CDH2: variants seen among roughly 807,000 people sequenced by gnomAD.
CDH2 encodes the protein cadherin 2.
A neutral mutation model predicts 92.0 loss-of-function variants in CDH2; 17 were observed. That is an observed-to-expected ratio of 0.18 (90% CI 0.13 to 0.28). CDH2 has a LOEUF of 0.28. Ranked by LOEUF, CDH2 falls within the 10% of genes least tolerant of loss-of-function variation. CDH2 has a pLI of 1.00. For missense variants in CDH2, 862 were observed against 1,133.1 expected, an observed-to-expected ratio of 0.76 and a Z score of 3.44; for synonymous variants, 419 against 415.9, an observed-to-expected ratio of 1.01 and a Z score of -0.09.
At chr18:28,163,664 T>C (rs2016338287) in intron 1 of CDH2, among the ~76,000 whole-genome samples, 1 of 152,228 alleles carries the variant, frequency 6.6e-6, no homozygotes, top group Non-Finnish European at 1.5e-5. Flanking sequence ...TAGCATGCAA[T>C]GCTCTACAGC....
chr18:28,100,235 T>G (rs1342937955), intron 2 of CDH2, among the ~76,000 whole-genome samples: 2 of 152,192 alleles, frequency 1.3e-5, no homozygotes, highest in Non-Finnish European at 2.9e-5. Context: ...CAGATTGCTC[T>G]CTTTAATGTG....
rs533783622 is a variant in CDH2 at position 28,077,727 on chromosome 18, C to A, written c.173-63818G>T. On this transcript the variant is annotated intron_variant, in intron 2 of 15. Coordinates refer to ENST00000269141, the MANE Select transcript of CDH2 (RefSeq NM_001792.5). ...CCAACATGGTGAAACCCCGTCTCTG[C>A]CAAAAATACAAAAATTAGGCGGGTG... Among the ~76,000 whole-genome samples the A allele has an allele frequency of 6.6e-5, 10 of 151,676 alleles. No individual in the cohort carries two copies. In the East Asian group the frequency reaches 2.0e-3, roughly 30 times the overall value.
At chr18:28,089,603 G>A (rs2015000033) in intron 2 of CDH2, among the ~76,000 whole-genome samples, 1 of 152,112 alleles carries the variant, frequency 6.6e-6, no homozygotes, top group Non-Finnish European at 1.5e-5. Context: ...GTAATTTAAA[G>A]CAATTTCAAT....
intron 2 of CDH2, among the ~76,000 whole-genome samples, chr18:28,030,415 A>T (rs933015675): frequency 6.6e-6 from 1 of 152,126 alleles, no homozygotes; most frequent in African/African-American, 2.4e-5. Flanking sequence ...AGAGCATGGC[A>T]TGGCACAATA....
At chr18:27,954,850 C>A (rs755687953) in intron 15 of CDH2, among the ~76,000 whole-genome samples, 1 of 152,100 alleles carries the variant, frequency 6.6e-6, no homozygotes, top group Non-Finnish European at 1.5e-5. Flanking sequence ...TGGCTGCCCT[C>A]GTGGAGTTAA....
At chr18:28,070,877 C>T (rs1148375) in intron 2 of CDH2, among the ~76,000 whole-genome samples, 53,401 of 152,002 alleles carry the variant, frequency 0.35, 10,068 homozygotes, top group Non-Finnish European at 0.44. Context: ...AATTACAATT[C>T]GATTTTACTT....
intron 11 of CDH2, 61 bp from the exon 12 acceptor site, chr18:27,985,822 T>G: frequency 1.0e-6 from 1 of 983,092 alleles, no homozygotes; most frequent in South Asian, 1.5e-5. Context: ...GCCTCAATTA[T>G]GGTGAAATTC....
At chr18:28,077,274 C>T (rs995154712) in intron 2 of CDH2, among the ~76,000 whole-genome samples, 9 of 152,092 alleles carry the variant, frequency 5.9e-5, no homozygotes, top group Non-Finnish European at 1.0e-4. Flanking sequence ...AAGCAGAAAT[C>T]ATAATCTTTG....
At chr18:28,091,994 T>A (rs1599094317) in intron 2 of CDH2, among the ~76,000 whole-genome samples, 1 of 151,824 alleles carries the variant, frequency 6.6e-6, no homozygotes, top group South Asian at 2.1e-4. Flanking sequence ...CCCTGTCTCT[T>A]TACGTGGTCT....
chr18:28,128,147 C>CT (rs2015707578), intron 2 of CDH2, among the ~76,000 whole-genome samples: 1 of 152,050 alleles, frequency 6.6e-6, no homozygotes, highest in African/African-American at 2.4e-5. Flanking sequence ...CATGATCACA[C>CT]TTTTTAAAAG....
chr18:28,021,215 C>A (rs1346375991), intron 2 of CDH2, among the ~76,000 whole-genome samples: 1 of 151,950 alleles, frequency 6.6e-6, no homozygotes, highest in African/African-American at 2.4e-5. Context: ...GCTATTTTAA[C>A]AGACACATAT....
chr18:28,128,422 C>T (rs1008379969), intron 2 of CDH2, among the ~76,000 whole-genome samples: 4 of 152,118 alleles, frequency 2.6e-5, no homozygotes, highest in Admixed American at 6.6e-5. Flanking sequence ...TGACAGGGCA[C>T]GGTGACTCAC....
At chr18:27,949,567 C>T (rs1909358608), downstream of CDH2, among the ~76,000 whole-genome samples, 1 of 151,732 alleles carries the variant, frequency 6.6e-6, no homozygotes, top group African/African-American at 2.4e-5. Context: ...TACCAAGATA[C>T]ACTCAGTGAA....
chr18:27,994,407 T>C (rs1306275450), intron 7 of CDH2, among the ~76,000 whole-genome samples: 1 of 152,212 alleles, frequency 6.6e-6, no homozygotes, highest in Non-Finnish European at 1.5e-5. Flanking sequence ...TCCACTACTT[T>C]CAAATTCCAG....
intron 14 of CDH2, among the ~76,000 whole-genome samples, chr18:27,964,922 T>C (rs1485266484): frequency 6.6e-6 from 1 of 152,096 alleles, no homozygotes; most frequent in African/African-American, 2.4e-5. Flanking sequence ...GAGCTTGAGC[T>C]TGGAGGGACA....
chr18:28,019,860 T>G lies in CDH2; in HGVS notation c.173-5951A>C, dbSNP rs1205918099. On this transcript the variant is annotated intron_variant, in intron 2 of 15. Coordinates refer to ENST00000269141, the MANE Select transcript of CDH2 (RefSeq NM_001792.5). ...TGTATTACACAATTCCCTTTGTATA[T>G]TTAATCAGTTGGGTCAATATCTTAG... 5.9e-5 allele frequency among the ~76,000 whole-genome samples: 9 copies of G among 152,148 alleles called. No individual in the cohort carries two copies. In the East Asian group the frequency reaches 1.7e-3, roughly 29 times the overall value.
intron 2 of CDH2, among the ~76,000 whole-genome samples, chr18:28,032,163 C>G (rs574488748): frequency 6.6e-6 from 1 of 152,170 alleles, no homozygotes; most frequent in African/African-American, 2.4e-5. Flanking sequence ...CCCTCTCAAA[C>G]AGCGCTGGAA....
At chr18:28,175,003 C>T (rs866858407) in intron 1 of CDH2, among the ~76,000 whole-genome samples, 1 of 152,176 alleles carries the variant, frequency 6.6e-6, no homozygotes, top group South Asian at 2.1e-4. Flanking sequence ...TTAAGTTTGT[C>T]TTGCCTTCCA....
At chr18:27,944,317 T>A (rs1909214769) in intron 6 of CDH2, among the ~76,000 whole-genome samples, 1 of 152,188 alleles carries the variant, frequency 6.6e-6, no homozygotes, top group African/African-American at 2.4e-5. Context: ...TTTTATTCAA[T>A]GTTCCTTAGT....
Sources: allele counts gnomAD v4.1 joint callset (sites outside exome capture counted in the v4.1 genomes callset), GRCh38; gene constraint gnomAD v4.1.1; transcripts MANE v1.5; gene names NCBI Gene and HGNC (gene_info 2026-07-23, HGNC 2026-07-21).